The following ZDHHC7 variants were observed in gnomAD, a reference collection of about 807,000 sequenced individuals.
ZDHHC7 encodes zDHHC palmitoyltransferase 7, also known as palmitoyltransferase ZDHHC7.
ZDHHC7 carries 12 observed loss-of-function variants against 34.1 expected under a neutral mutation model. The ratio of observed to expected loss-of-function variants is 0.35; its 90% CI spans 0.23 to 0.57. ZDHHC7 has a LOEUF of 0.57. ZDHHC7 is among the 20% of genes least tolerant of loss of function. ZDHHC7 has a pLI of 0.84. For missense variants in ZDHHC7, 388 were observed against 402.7 expected (o/e 0.96, Z 0.31); for synonymous variants, 185 against 155.4 (o/e 1.19, Z -1.42).
At chr16:85,026,060 CCTT>C in the ZDHHC7 span, among the ~76,000 whole-genome samples, 1 of 152,150 alleles carries the variant, frequency 6.6e-6, no homozygotes, top group Non-Finnish European at 1.5e-5. Flanking sequence ...GGTCAGAAAA[CCTT>C]CTACGAAGTC....
chr16:85,027,274 TA>T, the ZDHHC7 span, among the ~76,000 whole-genome samples: 32 of 152,312 alleles, frequency 2.1e-4, no homozygotes, highest in Middle Eastern at 0.01. Context: ...TATTTATTAT[TA>T]TTTTTTTTAG....
chr16:84,977,958 A>G lies in ZDHHC7; in HGVS notation c.585T>C (p.Phe195=), dbSNP rs765994989. The stretch of plus-strand genomic sequence containing the variant: ...GCCCTCGGACACAGGAGATGAACTG[A>G]AATCCACAAAGGATCAGAGCATGGA... ...SSVHALILCG[F]QFISCVRGQW... is the part of the protein sequence containing the mutation. Residue 195 remains phenylalanine, a synonymous_variant, in exon 6 of 8, where the codon TTT becomes TTC. Transcript: ENST00000313732. 1.2e-5 allele frequency: 20 copies of G among 1,614,052 alleles called. No homozygotes were observed. The African/African-American group carries it at 2.5e-4, about 20-fold the overall frequency.
chr16:84,989,349 A>G (rs533846780), intron 3 of ZDHHC7, among the ~76,000 whole-genome samples: 1 of 152,242 alleles, frequency 6.6e-6, no homozygotes, highest in African/African-American at 2.4e-5. Flanking sequence ...AAAGACAGAT[A>G]AAGCCACGTG....
intron 3 of ZDHHC7, among the ~76,000 whole-genome samples, chr16:84,984,052 C>G (rs2072405659): frequency 7.2e-6 from 1 of 139,676 alleles, no homozygotes; most frequent in Non-Finnish European, 1.5e-5. Context: ...CAGAGTTTTG[C>G]TCTGTTGCCC....
intron 1 of ZDHHC7, among the ~76,000 whole-genome samples, chr16:85,009,925 G>T (rs1188462145): frequency 1.3e-5 from 2 of 151,864 alleles, no homozygotes; most frequent in African/African-American, 4.8e-5. Context: ...AGCCAGGATG[G>T]TCTCGATCTC....
the ZDHHC7 span, among the ~76,000 whole-genome samples, chr16:85,019,930 G>A: frequency 6.6e-5 from 10 of 152,160 alleles, no homozygotes; most frequent in African/African-American, 2.2e-4. Flanking sequence ...ATACCCCCTC[G>A]TAGACTCACT....
upstream of ZDHHC7, among the ~76,000 whole-genome samples, chr16:85,013,826 T>G (rs1245821641): frequency 6.6e-6 from 1 of 152,106 alleles, no homozygotes; most frequent in Non-Finnish European, 1.5e-5. Flanking sequence ...TAGCTGGGAT[T>G]ACAGGCACCC....
At chr16:85,017,027 T>C in the ZDHHC7 span, among the ~76,000 whole-genome samples, 1 of 151,344 alleles carries the variant, frequency 6.6e-6, no homozygotes, top group African/African-American at 2.4e-5. Context: ...TTGCAACCTC[T>C]GCCTCCTAGG....
rs939494764 is a variant in ZDHHC7 at position 84,993,888 on chromosome 16, A to G, written c.-18+2034T>C. Among the ~76,000 whole-genome samples, 15 of 152,136 alleles carry G rather than the reference A, an allele frequency of 9.9e-5. No homozygotes were observed. The East Asian group carries it at 2.9e-3, about 29-fold the overall frequency. ...ACTTTTCTCTCTTCTAGGCAAGCCA[A>G]CCTGAAAAGGGAGTTCTCTTCTTCT... is the stretch of plus-strand genomic sequence containing the variant. On this transcript the variant is annotated intron_variant, in intron 2 of 7. Coordinates refer to ENST00000313732, the MANE Select transcript of ZDHHC7 (RefSeq NM_017740.3).
At chr16:85,008,022 G>A (rs2072740367) in intron 1 of ZDHHC7, among the ~76,000 whole-genome samples, 1 of 151,920 alleles carries the variant, frequency 6.6e-6, no homozygotes, top group African/African-American at 2.4e-5. Context: ...GGCTGAGGTA[G>A]AAGAAACCAC....
At chr16:85,020,006 T>C in the ZDHHC7 span, among the ~76,000 whole-genome samples, 6 of 152,320 alleles carry the variant, frequency 3.9e-5, no homozygotes, top group South Asian at 2.1e-4. Context: ...ATGTAAGCCA[T>C]TGACCAAATG....
the ZDHHC7 span, among the ~76,000 whole-genome samples, chr16:85,021,923 G>A: frequency 2.6e-5 from 4 of 152,002 alleles, no homozygotes; most frequent in South Asian, 2.1e-4. Context: ...TTGGGAGGCC[G>A]AGGCGGTTGG....
intron 2 of ZDHHC7, among the ~76,000 whole-genome samples, chr16:84,994,787 T>C (rs1294653911): frequency 6.6e-6 from 1 of 152,198 alleles, no homozygotes; most frequent in Non-Finnish European, 1.5e-5. Flanking sequence ...GTAAGATCCA[T>C]TAGAAGTCAA....
chr16:85,008,742 G>C (rs116082128), intron 1 of ZDHHC7, among the ~76,000 whole-genome samples: 1,488 of 141,494 alleles, frequency 0.011, 46 homozygotes, highest in African/African-American at 0.038. Flanking sequence ...TTCTGCTCTA[G>C]GGTTTGAAGA....
chr16:84,997,897 A>T (rs1232194335), intron 1 of ZDHHC7, among the ~76,000 whole-genome samples: 5 of 93,484 alleles, frequency 5.3e-5, no homozygotes, highest in African/African-American at 3.3e-4. Flanking sequence ...ACTCCGTCTA[A>T]AAAAAAAAAA....
chr16:85,025,268 A>T, the ZDHHC7 span, among the ~76,000 whole-genome samples: 4 of 143,606 alleles, frequency 2.8e-5, no homozygotes, highest in African/African-American at 5.0e-5. Flanking sequence ...GAGATGATTT[A>T]AAAAAAAAAA....
the ZDHHC7 span, among the ~76,000 whole-genome samples, chr16:85,025,221 A>G: frequency 0.025 from 3,716 of 151,626 alleles, 142 homozygotes; most frequent in African/African-American, 0.078. Context: ...GAGGTTGCTG[A>G]GATTGCGTCA....
chr16:84,987,382 T>C (rs2072450243), intron 3 of ZDHHC7, among the ~76,000 whole-genome samples: 1 of 151,906 alleles, frequency 6.6e-6, no homozygotes. Flanking sequence ...AATAATGTGT[T>C]GAAGATGTGG....
chr16:84,977,301 C>A (rs1383469826), intron 6 of ZDHHC7, 76 bp from the exon 7 acceptor site: 2 of 1,561,448 alleles, frequency 1.3e-6, no homozygotes, highest in East Asian at 2.3e-5. Flanking sequence ...AGAGAAGAAT[C>A]CTCTAGGGCC....
Sources: allele counts gnomAD v4.1 joint callset (sites outside exome capture counted in the v4.1 genomes callset), GRCh38; gene constraint gnomAD v4.1.1; transcripts MANE v1.5; gene names NCBI Gene and HGNC (gene_info 2026-07-23, HGNC 2026-07-21).